The following FUT8 variants were observed in gnomAD, a reference collection of about 807,000 sequenced individuals.
FUT8 encodes fucosyltransferase 8.
In FUT8, 29 loss-of-function variants were observed where a neutral mutation model predicts 71.3. That is an observed-to-expected ratio of 0.41 (90% CI 0.30 to 0.55). The LOEUF (loss-of-function observed/expected upper bound fraction) is 0.55. Ranked by LOEUF, FUT8 falls within the 20% of genes least tolerant of loss-of-function variation. The pLI, the probability that FUT8 is intolerant of heterozygous loss-of-function variation, is 0.34. For synonymous variants in FUT8, 254 were observed against 239.3 expected, an observed-to-expected ratio of 1.06 and a Z score of -0.57; for missense variants, 544 against 702.1, an observed-to-expected ratio of 0.77 and a Z score of 2.55.
At chr14:65,682,021 C>T (rs1893062781) in intron 7 of FUT8, among the ~76,000 whole-genome samples, 2 of 152,132 alleles carry the variant, frequency 1.3e-5, no homozygotes, top group Admixed American at 1.3e-4. Flanking sequence ...ACATATGTGG[C>T]CTGCAAAGCA....
chr14:65,626,525 T>G (rs73268521), intron 5 of FUT8, among the ~76,000 whole-genome samples: 18,883 of 152,194 alleles, frequency 0.12, 1,509 homozygotes, highest in East Asian at 0.38. Context: ...GACTTTAAAA[T>G]TCATTGCTTG....
chr14:65,687,825 T>C (rs1346265591), intron 7 of FUT8, among the ~76,000 whole-genome samples: 2 of 133,004 alleles, frequency 1.5e-5, no homozygotes, highest in Admixed American at 8.0e-5. Context: ...CCTTGAACTC[T>C]TGGGCTCAAG....
At chr14:65,468,259 G>T in intron 2 of FUT8, 1 of 623,324 alleles carries the variant, frequency 1.6e-6, no homozygotes, top group South Asian at 1.4e-5. Context: ...TCGCATACAT[G>T]TGGCCAAAGG....
intron 3 of FUT8, among the ~76,000 whole-genome samples, chr14:65,608,672 G>T (rs569023056): frequency 6.6e-6 from 1 of 151,906 alleles, no homozygotes; most frequent in East Asian, 1.9e-4. Context: ...TAACATGTAG[G>T]CATCCTTAAA....
intron 3 of FUT8, among the ~76,000 whole-genome samples, chr14:65,576,754 T>C (rs1886808205): frequency 7.6e-6 from 1 of 131,594 alleles, no homozygotes; most frequent in Non-Finnish European, 1.6e-5. Flanking sequence ...GAGTCTAGCT[T>C]TTGTCGCCAG....
chr14:65,410,092 G>A (rs568957235), upstream of FUT8, among the ~76,000 whole-genome samples: 23 of 152,314 alleles, frequency 1.5e-4, no homozygotes, highest in Middle Eastern at 3.4e-3. Flanking sequence ...GGCCAGTGAT[G>A]TTTAGAACCT....
chr14:65,725,433 G>C (rs1441165138), intron 9 of FUT8, among the ~76,000 whole-genome samples: 9 of 152,170 alleles, frequency 5.9e-5, no homozygotes, highest in Admixed American at 1.3e-4. Flanking sequence ...CTTCTTATAG[G>C]ATCTGAGTAA....
At chr14:65,632,123 G>A (rs1405565501) in intron 6 of FUT8, among the ~76,000 whole-genome samples, 8 of 151,992 alleles carry the variant, frequency 5.3e-5, no homozygotes, top group Admixed American at 3.3e-4. Context: ...TTATTCACTC[G>A]TTGATTGACG....
intron 2 of FUT8, among the ~76,000 whole-genome samples, chr14:65,527,574 T>G (rs1205958571): frequency 1.3e-5 from 2 of 152,228 alleles, no homozygotes. Flanking sequence ...ATCAAAGTCA[T>G]TCTCCGTCCA....
upstream of FUT8, among the ~76,000 whole-genome samples, chr14:65,406,526 C>T (rs907279957): frequency 5.9e-5 from 9 of 152,248 alleles, no homozygotes; most frequent in South Asian, 1.9e-3. Context: ...TTTCGTCTCT[C>T]GCTCTCTCTC....
chr14:65,500,626 T>G (rs1191529855), intron 2 of FUT8, among the ~76,000 whole-genome samples: 1 of 152,236 alleles, frequency 6.6e-6, no homozygotes, highest in Non-Finnish European at 1.5e-5. Flanking sequence ...GGTTTGACTG[T>G]TGAACCTTTC....
rs138141247 is a variant in FUT8 at position 65,712,469 on chromosome 14, A to G, written c.836-9306A>G. Among the ~76,000 whole-genome samples, 23 of 152,260 alleles carry G rather than the reference A, an allele frequency of 1.5e-4. 1 individual carries two copies. In the East Asian group the frequency reaches 4.2e-3, roughly 28 times the overall value. On this transcript the variant is annotated intron_variant, in intron 7 of 10. Transcript: ENST00000673929. The stretch of plus-strand genomic sequence containing the variant: ...GGTGGTAGTTGCGTTTTTGAGACGA[A>G]GTTTCGCTCTATTGCCCAGTCTGGA...
At chr14:65,383,872 C>T in the FUT8 span, among the ~76,000 whole-genome samples, 9 of 152,186 alleles carry the variant, frequency 5.9e-5, no homozygotes, top group Non-Finnish European at 1.3e-4. Flanking sequence ...AACCTCTTAT[C>T]TTCCCTAGGC....
Position 65,643,386 on chromosome 14 carries a change from G to A in FUT8, c.597+13780G>A, listed in dbSNP as rs533517062. 7.9e-5 allele frequency among the ~76,000 whole-genome samples: 12 copies of A among 152,276 alleles called. No homozygotes were observed. The highest frequency in any genetic ancestry group is 2.9e-4 in the African/African-American group (12 of 41,544). On this transcript the variant is annotated intron_variant, in intron 6 of 10. Coordinates refer to ENST00000673929, the MANE Select transcript of FUT8 (RefSeq NM_001371533.1). This position sits in a 1 kb window ranked among gnomAD's most constrained non-coding sequence, Gnocchi z 4.5. ...TTGACAGATTCTGGCCCAGCGTGGT[G>A]GCTCACGCCTGTAATCCCAGCACTT... is the stretch of plus-strand genomic sequence containing the variant.
chr14:65,729,825 C>T (rs1895883057), intron 9 of FUT8, among the ~76,000 whole-genome samples: 1 of 152,228 alleles, frequency 6.6e-6, no homozygotes, highest in East Asian at 1.9e-4. Context: ...AGCTATAACT[C>T]CCCTGCCAGT....
intron 1 of FUT8, among the ~76,000 whole-genome samples, chr14:65,425,201 T>C (rs1044743429): frequency 6.3e-4 from 95 of 151,968 alleles, no homozygotes; most frequent in African/African-American, 2.2e-3. Context: ...GTTTCACTCT[T>C]GTTGCCCAGG....
intron 6 of FUT8, among the ~76,000 whole-genome samples, chr14:65,648,968 G>A (rs1021318499): frequency 2.6e-5 from 4 of 152,160 alleles, no homozygotes; most frequent in Admixed American, 6.5e-5. Flanking sequence ...AGTCTCTGAC[G>A]ATATTTGAAT....
Position 65,638,842 on chromosome 14 carries a change from T to G in FUT8, c.597+9236T>G, listed in dbSNP as rs1890695327. ...TTGTGTTCTACCAAGTAATTCAGAT[T>G]GCATTTGTATTTCCGCCTAACCAAA... On this transcript the variant is annotated intron_variant, in intron 6 of 10. Transcript: ENST00000673929. The surrounding 1 kb of genome is among the most constrained non-coding windows in gnomAD (Gnocchi z 4.5). Among the ~76,000 whole-genome samples the G allele has an allele frequency of 6.6e-6, 1 of 152,230 alleles. No homozygotes were observed. Among genetic ancestry groups the G allele is most frequent in the Non-Finnish European group, 1.5e-5 (1 of 68,032 alleles).
intron 2 of FUT8, among the ~76,000 whole-genome samples, chr14:65,474,414 C>G (rs2066198619): frequency 8.2e-6 from 1 of 122,194 alleles, no homozygotes; most frequent in Non-Finnish European, 1.7e-5. Flanking sequence ...ACCAGCCTGA[C>G]CAACATGGTG....
Sources: allele counts gnomAD v4.1 joint callset (sites outside exome capture counted in the v4.1 genomes callset), GRCh38; gene constraint gnomAD v4.1.1; non-coding constraint Gnocchi (gnomAD v3.1); transcripts MANE v1.5; gene names NCBI Gene and HGNC (gene_info 2026-07-23, HGNC 2026-07-21).